Variants in PEAK1 observed in about 807,000 individuals in gnomAD.
The protein encoded by PEAK1 is inactive tyrosine-protein kinase PEAK1.
PEAK1 carries 54 observed loss-of-function variants against 124.7 expected under a neutral mutation model. The observed-to-expected ratio is 0.43, with a 90% CI of 0.35 to 0.54. PEAK1 has a LOEUF of 0.54. PEAK1 is among the 20% of genes least tolerant of loss of function. The pLI is 0.01. For synonymous variants in PEAK1, 719 were observed against 760.0 expected (o/e 0.95, Z 0.89); for missense variants, 2,046 against 2,134.5 (o/e 0.96, Z 0.82).
intron 7 of PEAK1, 21 bp from the exon 8 acceptor site, chr15:77,158,717 T>G (rs2055371089): frequency 6.2e-7 from 1 of 1,606,794 alleles, no homozygotes; most frequent in Admixed American, 1.7e-5. Context: ...TCAGACCACT[T>G]GTCACACTGG....
At chr15:77,417,414 G>A in intron 1 of PEAK1, 1 of 943,968 alleles carries the variant, frequency 1.1e-6, no homozygotes, top group Non-Finnish European at 1.2e-6. Flanking sequence ...AGGAGCTTTA[G>A]TAATGAAAGG....
At chr15:77,305,458 G>C (rs2064044540) in intron 2 of PEAK1, among the ~76,000 whole-genome samples, 1 of 152,084 alleles carries the variant, frequency 6.6e-6, no homozygotes, top group Non-Finnish European at 1.5e-5. Flanking sequence ...CAGAGGCGAA[G>C]GTCTATAAAG....
chr15:77,178,182 T>C (rs1229474308), intron 7 of PEAK1: 1 of 152,554 alleles, frequency 6.6e-6, no homozygotes, highest in African/African-American at 2.4e-5. Context: ...CTGAATATTA[T>C]ACTACTGGGT....
rs1355616187 is a variant in PEAK1 at position 77,108,421 on chromosome 15, A to G, written c.*5735T>C. On this transcript the variant is annotated 3_prime_UTR_variant, in exon 10 of 10. Transcript: ENST00000682557. ...AATGAGGACTGTCATGATTCAAATC[A>G]CCAAGTAGAATGAAATCTTGCTTCT... 1 of 152,278 alleles carries G rather than the reference A, an allele frequency of 6.6e-6. No individual in the cohort carries two copies. Among genetic ancestry groups the G allele is most frequent in the Non-Finnish European group, 1.5e-5 (1 of 68,054 alleles). The allele number at this position is 152,278 out of a possible 1,614,324, so 9.4% of individuals were successfully genotyped here. A position where few individuals can be genotyped will look rare whatever the true frequency, so the allele number is the denominator to read the frequency against.
intron 7 of PEAK1, among the ~76,000 whole-genome samples, chr15:77,168,369 C>T (rs1200461724): frequency 6.6e-6 from 1 of 152,016 alleles, no homozygotes. Flanking sequence ...ACAGACAAAT[C>T]TGATATTATG....
chr15:77,144,579 A>G (rs940564874), intron 8 of PEAK1, among the ~76,000 whole-genome samples: 2 of 152,252 alleles, frequency 1.3e-5, no homozygotes, highest in Non-Finnish European at 2.9e-5. Context: ...TCATCAATTC[A>G]AAATGGAAAT....
At chr15:77,370,278 T>TA (rs1287120469) in intron 1 of PEAK1, among the ~76,000 whole-genome samples, 1 of 152,202 alleles carries the variant, frequency 6.6e-6, no homozygotes, top group East Asian at 1.9e-4. Flanking sequence ...ACATCCATGA[T>TA]ACCTTTGGAA....
At chr15:77,276,938 T>C (rs1355945297) in intron 5 of PEAK1, among the ~76,000 whole-genome samples, 1 of 152,122 alleles carries the variant, frequency 6.6e-6, no homozygotes, top group African/African-American at 2.4e-5. Flanking sequence ...AGTGATAAAA[T>C]GTAGCATCAC....
chr15:77,287,608 C>A (rs538842789), intron 2 of PEAK1, among the ~76,000 whole-genome samples: 1 of 152,194 alleles, frequency 6.6e-6, no homozygotes, highest in East Asian at 1.9e-4. Flanking sequence ...GTTTTGCCCA[C>A]TTCACACTCT....
chr15:77,144,206 A>T (rs553756264), intron 8 of PEAK1, among the ~76,000 whole-genome samples: 1 of 152,362 alleles, frequency 6.6e-6, no homozygotes, highest in Non-Finnish European at 1.5e-5. Context: ...CAAGTTGGTC[A>T]AGGCTCTCTG....
upstream of PEAK1, chr15:77,420,371 G>A (rs1483337847): frequency 6.6e-6 from 1 of 152,120 alleles, no homozygotes; most frequent in Non-Finnish European, 1.5e-5. Context: ...CAGAGGACGA[G>A]ACCTAAAGGG....
intron 8 of PEAK1, among the ~76,000 whole-genome samples, chr15:77,151,799 T>C (rs1188512684): frequency 6.6e-6 from 1 of 152,216 alleles, no homozygotes; most frequent in East Asian, 1.9e-4. Flanking sequence ...TTTGTCAGGT[T>C]TGTCAAAGAT....
At chr15:77,414,082 C>G (rs560365289) in intron 1 of PEAK1, among the ~76,000 whole-genome samples, 1 of 152,240 alleles carries the variant, frequency 6.6e-6, no homozygotes, top group Admixed American at 6.5e-5. Flanking sequence ...TTCAGCCTCC[C>G]ATAGTACTGG....
chr15:77,170,317 C>T (rs2056420426), intron 7 of PEAK1, among the ~76,000 whole-genome samples: 1 of 151,602 alleles, frequency 6.6e-6, no homozygotes, highest in Admixed American at 6.6e-5. Flanking sequence ...AAGAGAGGAC[C>T]AATTTTAAGA....
chr15:77,182,591 A>C (rs773876805), intron 6 of PEAK1, among the ~76,000 whole-genome samples: 9 of 151,960 alleles, frequency 5.9e-5, no homozygotes, highest in Non-Finnish European at 1.2e-4. Context: ...ATCTCTAAAA[A>C]AAATATAAAA....
At chr15:77,335,256 C>T in intron 2 of PEAK1, 2 of 985,432 alleles carry the variant, frequency 2.0e-6, no homozygotes, top group Non-Finnish European at 2.4e-6. Context: ...TTCTTTCATT[C>T]CAGGACCATA....
chr15:77,263,524 C>G (rs900217540), intron 5 of PEAK1, among the ~76,000 whole-genome samples: 3 of 152,066 alleles, frequency 2.0e-5, no homozygotes, highest in Admixed American at 6.6e-5. Context: ...ATAAATTCCT[C>G]GACACCTACA....
At chr15:77,405,713 C>A (rs527570937) in intron 1 of PEAK1, among the ~76,000 whole-genome samples, 18 of 152,124 alleles carry the variant, frequency 1.2e-4, no homozygotes, top group Non-Finnish European at 2.2e-4. Flanking sequence ...CAAAAGAATA[C>A]AAAACATATC....
chr15:77,267,927 C>A (rs2061825018), intron 5 of PEAK1, among the ~76,000 whole-genome samples: 1 of 151,770 alleles, frequency 6.6e-6, no homozygotes, highest in Admixed American at 6.6e-5. Context: ...GAGGAGGCAT[C>A]AGAGAAAGGT....
Sources: allele counts gnomAD v4.1 joint callset (sites outside exome capture counted in the v4.1 genomes callset), GRCh38; gene constraint gnomAD v4.1.1; transcripts MANE v1.5; gene names NCBI Gene and HGNC (gene_info 2026-07-23, HGNC 2026-07-21).